EP300: variants seen among roughly 807,000 people sequenced by gnomAD.
EP300 encodes EP300 lysine acetyltransferase.
In EP300, 31 loss-of-function variants were observed where a neutral mutation model predicts 264.0. The ratio of observed to expected loss-of-function variants is 0.12; its 90% CI spans 0.09 to 0.16. The LOEUF (loss-of-function observed/expected upper bound fraction) is 0.16. EP300 is among the 10% of genes least tolerant of loss of function. The probability of loss-of-function intolerance (pLI) is 1.00; values close to 1 mark genes in which losing one functional copy is unlikely to be tolerated. For missense variants in EP300, 2,766 were observed against 3,052.9 expected (o/e 0.91, Z 2.21); for synonymous variants, 1,340 against 1,045.4 (o/e 1.28, Z -5.44).
chr22:41,153,209 A>G (rs1054749456), intron 16 of EP300, among the ~76,000 whole-genome samples: 3 of 152,140 alleles, frequency 2.0e-5, no homozygotes, highest in Non-Finnish European at 2.9e-5. Context: ...AGCCATTCCA[A>G]CAAGTGTTAA....
At chr22:41,147,714 G>A (rs1390189041) in intron 11 of EP300, 123 bp from the exon 12 acceptor site, 3 of 725,586 alleles carry the variant, frequency 4.1e-6, no homozygotes, top group Non-Finnish European at 4.7e-6. Flanking sequence ...CTCCAGCCTG[G>A]GCGACAGAGC....
intron 1 of EP300, among the ~76,000 whole-genome samples, chr22:41,103,437 G>T (rs990708447): frequency 2.0e-5 from 3 of 152,178 alleles, no homozygotes; most frequent in African/African-American, 4.8e-5. Context: ...TGTCCACACA[G>T]TTTTCCCGTA....
chr22:41,166,533 CTT>C, intron 22 of EP300, 64 bp from the exon 23 acceptor site: 1 of 1,332,088 alleles, frequency 7.5e-7, no homozygotes, highest in East Asian at 2.3e-5. Flanking sequence ...TGAATTTTAA[CTT>C]TTTGTTAGTA....
At chr22:41,121,371 T>A (rs2058851256) in intron 2 of EP300, among the ~76,000 whole-genome samples, 1 of 152,154 alleles carries the variant, frequency 6.6e-6, no homozygotes, top group African/African-American at 2.4e-5. Context: ...AAATCTTCCT[T>A]ATTACATTTA....
rs552524971 is a variant in EP300, at chr22:41,143,051, G to C, written c.2053+1829G>C. 5.9e-5 allele frequency among the ~76,000 whole-genome samples: 9 copies of C among 152,322 alleles called. 1 individual carries two copies. In the Middle Eastern group the frequency reaches 0.014, roughly 230 times the overall value. On this transcript the variant is annotated intron_variant, in intron 10 of 30. Coordinates refer to ENST00000263253, the MANE Select transcript of EP300 (RefSeq NM_001429.4). ...ATGTAAGCAGGAATAAGTGGTAGTG[G>C]AACTGAGTATCAGCCTTAAGTATAT... is the stretch of plus-strand genomic sequence containing the variant.
chr22:41,160,278 T>A lies in EP300; in HGVS notation c.3591-364T>A, dbSNP rs2059100269. ...ATTTGAGATATTTAATGCTAATCTG[T>A]GCTTTGCCTTGGCTTTCTGCTTTGT... On this transcript the variant is annotated intron_variant, in intron 19 of 30. Transcript: ENST00000263253. 3 of 304,058 alleles carry A rather than the reference T, an allele frequency of 9.9e-6. No homozygotes were observed. In the South Asian group the frequency reaches 1.0e-4, roughly 10 times the overall value. The allele number at this position is 304,058 out of a possible 1,614,324, so 18.8% of individuals were successfully genotyped here.
chr22:41,113,503 C>T (rs2058805186), intron 1 of EP300, among the ~76,000 whole-genome samples: 1 of 152,082 alleles, frequency 6.6e-6, no homozygotes. Flanking sequence ...TTATTAGCAA[C>T]CTCAGGAGAC....
intron 2 of EP300, among the ~76,000 whole-genome samples, chr22:41,121,171 AAAAG>A (rs761888493): frequency 4.6e-5 from 7 of 152,054 alleles, no homozygotes; most frequent in Non-Finnish European, 1.0e-4. Flanking sequence ...TTTTTTTCAA[AAAAG>A]AAAGAATAGT....
intron 14 of EP300, among the ~76,000 whole-genome samples, chr22:41,150,907 T>A (rs1023120350): frequency 6.8e-6 from 1 of 148,070 alleles, no homozygotes; most frequent in Non-Finnish European, 1.5e-5. Context: ...AAAAAAAAAA[T>A]TGCAGATTTA....
chr22:41,128,053 G>A (rs2058893158), intron 4 of EP300, among the ~76,000 whole-genome samples: 1 of 152,060 alleles, frequency 6.6e-6, no homozygotes, highest in African/African-American at 2.4e-5. Context: ...CCTAGCTGAG[G>A]GACTAAGAAG....
At chr22:41,131,714 T>C (rs2058920876) in intron 6 of EP300, 81 bp downstream of exon 6, 1 of 1,597,090 alleles carries the variant, frequency 6.3e-7, no homozygotes, top group Admixed American at 1.7e-5. Context: ...TTAGCTCCTT[T>C]TTATTTTTTC....
chr22:41,125,112 C>CTTTT (rs930135062), intron 2 of EP300, among the ~76,000 whole-genome samples: 53 of 80,356 alleles, frequency 6.6e-4, no homozygotes, highest in African/African-American at 1.2e-3. Flanking sequence ...CTTTTCTTTC[C>CTTTT]TTTTTTTTTT....
intron 4 of EP300, among the ~76,000 whole-genome samples, chr22:41,129,435 T>C (rs868539988): frequency 7.9e-5 from 12 of 152,248 alleles, no homozygotes; most frequent in African/African-American, 2.7e-4. Flanking sequence ...TAGCATACTT[T>C]AAATGTTATT....
intron 1 of EP300, among the ~76,000 whole-genome samples, chr22:41,114,438 A>G (rs770193143): frequency 4.6e-5 from 7 of 152,180 alleles, no homozygotes; most frequent in Non-Finnish European, 7.4e-5. Context: ...TGGCCTCACA[A>G]AGTGTTGGGA....
At chr22:41,112,268 C>CTTG (rs1164313352) in intron 1 of EP300, among the ~76,000 whole-genome samples, 2 of 151,776 alleles carry the variant, frequency 1.3e-5, no homozygotes, top group Non-Finnish European at 2.9e-5. Flanking sequence ...CTGCTCACTG[C>CTTG]AACCTCTGCT....
intron 1 of EP300, among the ~76,000 whole-genome samples, chr22:41,105,024 G>A (rs959962898): frequency 1.3e-5 from 2 of 151,776 alleles, no homozygotes; most frequent in East Asian, 2.0e-4. Context: ...AATTAACCCC[G>A]TCTCTACTAA....
At chr22:41,167,221 T>C (rs1362785906) in intron 23 of EP300, among the ~76,000 whole-genome samples, 1 of 152,176 alleles carries the variant, frequency 6.6e-6, no homozygotes, top group Non-Finnish European at 1.5e-5. Flanking sequence ...GATCTCAAAC[T>C]CCTGATCACA....
chr22:41,178,769 C>T lies in EP300; in HGVS notation c.7058C>T (p.Ala2353Val), dbSNP rs762065374. ...AGTTCCCCACATCCTGGACTGGTAGCTGCCCAGGCCAACCCCATGGAACAA... is the reference window on the plus strand; with the variant it reads ...AGTTCCCCACATCCTGGACTGGTAGTTGCCCAGGCCAACCCCATGGAACAA... ...QTSSPHPGLV[A>V]AQANPMEQGH... Residue 2353 changes from alanine (A) to valine (V), a missense_variant, in exon 31 of 31, where the codon GCT becomes GTT. Ala to Val is a moderately conservative substitution (Grantham distance 64). Transcript: ENST00000263253. The T allele has an allele frequency of 6.2e-7, 1 of 1,614,164 alleles. No individual in the cohort carries two copies. Among genetic ancestry groups the T allele is most frequent in the Non-Finnish European group, 8.5e-7 (1 of 1,180,026 alleles).
intron 18 of EP300, among the ~76,000 whole-genome samples, chr22:41,158,189 CT>C (rs2059088154): frequency 6.6e-6 from 1 of 152,190 alleles, no homozygotes; most frequent in African/African-American, 2.4e-5. Flanking sequence ...CTGTTAGGTT[CT>C]TTGGTAAAGT....
Sources: gnomAD v4.1 joint callset for allele counts (sites outside exome capture counted in the v4.1 genomes callset) on GRCh38, gnomAD v4.1.1 for gene constraint, MANE v1.5 for transcripts, NCBI Gene and HGNC (gene_info 2026-07-23, HGNC 2026-07-21) for gene names.